The following KCNN3 variants were observed in gnomAD, a reference collection of about 807,000 sequenced individuals.
KCNN3 encodes potassium calcium-activated channel subfamily N member 3, also known as small conductance calcium-activated potassium channel protein 3.
KCNN3 carries 16 observed loss-of-function variants against 62.9 expected under a neutral mutation model. The ratio of observed to expected loss-of-function variants is 0.25; its 90% CI spans 0.17 to 0.39. The LOEUF (loss-of-function observed/expected upper bound fraction) is 0.39, where lower values mean the gene tolerates loss of function less well. Among genes scored for constraint, KCNN3 ranks in the 10% least tolerant of loss-of-function variants. KCNN3 has a pLI of 1.00. For synonymous variants in KCNN3, 370 were observed against 389.2 expected, an observed-to-expected ratio of 0.95 and a Z score of 0.58; for missense variants, 599 against 949.4, an observed-to-expected ratio of 0.63 and a Z score of 4.85.
Position 154,815,832 on chromosome 1 carries a change from G to T in KCNN3, c.1029+6257C>A, listed in dbSNP as rs76943252. The stretch of plus-strand genomic sequence containing the variant: ...GGAGGGTGAGGGCACAGAGCAAGAC[G>T]CAACGTGAGTTGTCCTGTCTGTTCT... On this transcript the variant is annotated intron_variant, in intron 2 of 7. Transcript: ENST00000271915. 7.2e-5 allele frequency among the ~76,000 whole-genome samples: 11 copies of T among 152,296 alleles called. No homozygotes were observed. The East Asian group carries it at 1.9e-3, about 27-fold the overall frequency.
At chr1:154,759,774 G>A (rs577927583) in intron 3 of KCNN3, among the ~76,000 whole-genome samples, 2 of 152,308 alleles carry the variant, frequency 1.3e-5, no homozygotes, top group South Asian at 2.1e-4. Context: ...CAGCAGAAGA[G>A]AGTGAAGGGA....
intron 2 of KCNN3, among the ~76,000 whole-genome samples, chr1:154,791,266 A>ATATTACGT (rs1409251190): frequency 4.1e-5 from 6 of 147,682 alleles, no homozygotes; most frequent in Admixed American, 4.0e-4. Flanking sequence ...ATGGTATTTT[A>ATATTACGT]TATTACGTGT....
intron 2 of KCNN3, among the ~76,000 whole-genome samples, chr1:154,816,815 C>A (rs1650687351): frequency 6.6e-6 from 1 of 152,182 alleles, no homozygotes; most frequent in Non-Finnish European, 1.5e-5. Context: ...CATCTCTGTC[C>A]CCAGCTTGAA....
chr1:154,829,351 G>A lies in KCNN3; in HGVS notation c.934-7167C>T, dbSNP rs528563048. On this transcript the variant is annotated intron_variant, in intron 1 of 7. Transcript: ENST00000271915. Reference sequence around the variant, plus strand: ...GCAGAGCTCAAGAATGGATATTAGAGGCCAAGCTCCAGGAACCTTTCCTGC... The same window carrying A: ...GCAGAGCTCAAGAATGGATATTAGAAGCCAAGCTCCAGGAACCTTTCCTGC... Among the ~76,000 whole-genome samples the A allele has an allele frequency of 5.9e-5, 9 of 152,346 alleles. No individual in the cohort carries two copies. The South Asian group carries it at 1.2e-3, about 21-fold the overall frequency.
At chr1:154,760,440 C>CGAGACAG (rs1647945982) in intron 3 of KCNN3, among the ~76,000 whole-genome samples, 2 of 151,512 alleles carry the variant, frequency 1.3e-5, no homozygotes, top group East Asian at 1.9e-4. Context: ...GGATCCCACT[C>CGAGACAG]GAGACAGGAG....
intron 3 of KCNN3, among the ~76,000 whole-genome samples, chr1:154,747,523 C>A (rs903857162): frequency 3.3e-5 from 5 of 152,132 alleles, no homozygotes; most frequent in African/African-American, 1.2e-4. Context: ...ATGGCAGTTT[C>A]AAGGCTATCC....
intron 3 of KCNN3, among the ~76,000 whole-genome samples, chr1:154,748,948 T>C (rs1261239324): frequency 6.6e-6 from 1 of 152,188 alleles, no homozygotes. Flanking sequence ...CCCGAGTGTG[T>C]GCTTGGACTT....
At chr1:154,860,036 C>A (rs1281821541) in intron 1 of KCNN3, among the ~76,000 whole-genome samples, 1 of 152,172 alleles carries the variant, frequency 6.6e-6, no homozygotes, top group Admixed American at 6.5e-5. Flanking sequence ...GATATGGCTT[C>A]CACAAAGGGC....
chr1:154,797,020 A>G (rs532756141), intron 2 of KCNN3, among the ~76,000 whole-genome samples: 86 of 152,322 alleles, frequency 5.6e-4, no homozygotes, highest in African/African-American at 1.9e-3. Context: ...GCCTGCGACA[A>G]CTAGTGGCCT....
At chr1:154,781,006 A>C (rs1290170869) in intron 2 of KCNN3, among the ~76,000 whole-genome samples, 1 of 152,162 alleles carries the variant, frequency 6.6e-6, no homozygotes, top group Non-Finnish European at 1.5e-5. Context: ...ATCTGAAACC[A>C]TCCCACTCCC....
chr1:154,819,062 G>A (rs1204081846), intron 2 of KCNN3, among the ~76,000 whole-genome samples: 3 of 152,228 alleles, frequency 2.0e-5, no homozygotes, highest in Non-Finnish European at 4.4e-5. Context: ...GGGGAGATGC[G>A]GCAGCCACCC....
chr1:154,708,367 A>G (rs1571197184), intron 7 of KCNN3, 95 bp from the exon 8 acceptor site: 1 of 1,243,806 alleles, frequency 8.0e-7, no homozygotes, highest in Non-Finnish European at 1.2e-6. Context: ...ACAGTATGAC[A>G]GGAGCCACTT....
chr1:154,719,803 T>G (rs7523077), intron 5 of KCNN3, among the ~76,000 whole-genome samples: 18 of 151,962 alleles, frequency 1.2e-4, no homozygotes, highest in African/African-American at 4.3e-4. Context: ...TCACCCTGCT[T>G]GCACCTCCTC....
chr1:154,758,623 C>A (rs1647849290), intron 3 of KCNN3, among the ~76,000 whole-genome samples: 1 of 152,136 alleles, frequency 6.6e-6, no homozygotes, highest in African/African-American at 2.4e-5. Context: ...TGCCCTTAAA[C>A]TCTCTGTGCA....
intron 2 of KCNN3, among the ~76,000 whole-genome samples, chr1:154,789,893 GT>G (rs869175815): frequency 2.0e-5 from 1 of 49,578 alleles, no homozygotes; most frequent in East Asian, 4.3e-4. Flanking sequence ...TGCTTTTTTT[GT>G]TTGTTTGTTT....
At chr1:154,770,285 C>T (rs777724759) in intron 3 of KCNN3, among the ~76,000 whole-genome samples, 2 of 152,228 alleles carry the variant, frequency 1.3e-5, no homozygotes, top group Non-Finnish European at 1.5e-5. Context: ...GGAGCCTGAA[C>T]CCTTGTTCTG....
At chr1:154,755,504 G>GAAGAAAGAAAGA (rs142240424) in intron 3 of KCNN3, among the ~76,000 whole-genome samples, 7 of 109,798 alleles carry the variant, frequency 6.4e-5, no homozygotes, top group Admixed American at 5.3e-4. Context: ...AGAAAGAAAG[G>GAAGAAAGAAAGA]AAGAAAGAAA....
chr1:154,742,609 G>T (rs188998904), intron 3 of KCNN3, among the ~76,000 whole-genome samples: 3 of 152,356 alleles, frequency 2.0e-5, no homozygotes, highest in Non-Finnish European at 4.4e-5. Context: ...ATAGCAGAAA[G>T]AACACAAGAT....
At chr1:154,829,734 G>A (rs575481114) in intron 1 of KCNN3, among the ~76,000 whole-genome samples, 9 of 152,236 alleles carry the variant, frequency 5.9e-5, no homozygotes, top group Non-Finnish European at 1.2e-4. Flanking sequence ...TCCCTGAACG[G>A]GGTCCATATA....
Sources: gnomAD v4.1 joint callset for allele counts (sites outside exome capture counted in the v4.1 genomes callset) on GRCh38, gnomAD v4.1.1 for gene constraint, MANE v1.5 for transcripts, NCBI Gene and HGNC (gene_info 2026-07-23, HGNC 2026-07-21) for gene names.